CHCHD6: variants seen among roughly 807,000 people sequenced by gnomAD.
CHCHD6 encodes MICOS complex subunit MIC25.
A neutral mutation model predicts 32.3 loss-of-function variants in CHCHD6; 28 were observed. The observed-to-expected ratio is 0.87, with a 90% CI of 0.64 to 1.19. The LOEUF (loss-of-function observed/expected upper bound fraction) is 1.19, where lower values mean the gene tolerates loss of function less well. Among genes scored for constraint, CHCHD6 ranks in the 50% most tolerant of loss-of-function variants. The pLI, the probability that CHCHD6 is intolerant of heterozygous loss-of-function variation, is 0.00. For synonymous variants in CHCHD6, 122 were observed against 117.5 expected (o/e 1.04, Z -0.25); for missense variants, 333 against 307.0 (o/e 1.08, Z -0.63).
chr3:126,954,194 C>T (rs553374613), intron 6 of CHCHD6, among the ~76,000 whole-genome samples: 9 of 152,248 alleles, frequency 5.9e-5, no homozygotes, highest in South Asian at 2.1e-4. Flanking sequence ...GTCCCACGGG[C>T]GATACTGGCA....
intron 4 of CHCHD6, among the ~76,000 whole-genome samples, chr3:126,849,123 A>G (rs1470012022): frequency 6.6e-6 from 1 of 152,180 alleles, no homozygotes; most frequent in Non-Finnish European, 1.5e-5. Context: ...TAAACTGAAA[A>G]CCCTGGCCCT....
At chr3:126,848,437 G>A (rs183331303) in intron 4 of CHCHD6, among the ~76,000 whole-genome samples, 71 of 151,994 alleles carry the variant, frequency 4.7e-4, no homozygotes, top group Non-Finnish European at 9.0e-4. Context: ...AAGTTACTTC[G>A]TTTTACCTTT....
intron 5 of CHCHD6, among the ~76,000 whole-genome samples, chr3:126,876,593 A>C (rs1284392546): frequency 6.6e-6 from 1 of 152,236 alleles, no homozygotes; most frequent in Non-Finnish European, 1.5e-5. Context: ...TGAACATGTG[A>C]TCTTAAAAAT....
In CHCHD6 at chr3:126,741,289, C is replaced by A. The variant is rs1012564202; in HGVS notation, c.411+8067C>A. On this transcript the variant is annotated intron_variant, in intron 4 of 7. Transcript: ENST00000290913. ...TTTACTCTTCCTCCTTCACTTCCAC[C>A]CATGTCTCCATGACAGAATTGATGT... Among the ~76,000 whole-genome samples the A allele has an allele frequency of 3.3e-5, 5 of 152,210 alleles. No homozygotes were observed. In the South Asian group the frequency reaches 1.0e-3, roughly 32 times the overall value.
chr3:126,840,602 G>A (rs1403419985), intron 4 of CHCHD6, among the ~76,000 whole-genome samples: 1 of 152,096 alleles, frequency 6.6e-6, no homozygotes, highest in East Asian at 1.9e-4. Context: ...TTGTCCTTGA[G>A]ATATGCCTTT....
chr3:126,730,454 C>T, intron 2 of CHCHD6, 107 bp from the exon 3 acceptor site: 1 of 882,426 alleles, frequency 1.1e-6, no homozygotes, highest in South Asian at 1.6e-5. Flanking sequence ...ATGCTGCCTT[C>T]CAAGGGGCAC....
intron 4 of CHCHD6, among the ~76,000 whole-genome samples, chr3:126,799,579 C>T (rs866725899): frequency 6.6e-6 from 1 of 152,178 alleles, no homozygotes; most frequent in African/African-American, 2.4e-5. Flanking sequence ...GCCAGCTTGT[C>T]CTGACTCTGG....
intron 6 of CHCHD6, among the ~76,000 whole-genome samples, chr3:126,934,430 C>T (rs989900441): frequency 1.3e-5 from 2 of 151,124 alleles, no homozygotes; most frequent in South Asian, 2.1e-4. Flanking sequence ...TCCTGACAGA[C>T]AGTGCTGCAG....
chr3:126,954,352 A>G (rs2078755529), intron 6 of CHCHD6, among the ~76,000 whole-genome samples: 1 of 152,158 alleles, frequency 6.6e-6, no homozygotes, highest in Admixed American at 6.5e-5. Flanking sequence ...CAGGCTGACC[A>G]TGGGGAGAGG....
At chr3:126,713,584 G>C (rs1187103390) in intron 1 of CHCHD6, among the ~76,000 whole-genome samples, 1 of 152,194 alleles carries the variant, frequency 6.6e-6, no homozygotes, top group South Asian at 2.1e-4. Context: ...GCCTTTGGTG[G>C]TGTCCCCTGC....
chr3:126,949,671 G>C (rs771627292), intron 6 of CHCHD6: 1 of 214,964 alleles, frequency 4.7e-6, no homozygotes, highest in Non-Finnish European at 9.3e-6. Flanking sequence ...GACTGCCGCC[G>C]TGGACGGAAG....
chr3:126,805,475 T>C (rs1029032779), intron 4 of CHCHD6, among the ~76,000 whole-genome samples: 77 of 150,868 alleles, frequency 5.1e-4, no homozygotes, highest in African/African-American at 1.2e-3. Context: ...AATAAAATAC[T>C]TAGGAATCCA....
intron 1 of CHCHD6, among the ~76,000 whole-genome samples, chr3:126,723,655 A>C: frequency 6.6e-6 from 1 of 152,240 alleles, no homozygotes; most frequent in East Asian, 1.9e-4. Flanking sequence ...ATAAAATTCT[A>C]TAGGATGTAT....
chr3:126,726,380 G>C (rs1025979000), intron 1 of CHCHD6, among the ~76,000 whole-genome samples: 1 of 152,096 alleles, frequency 6.6e-6, no homozygotes, highest in Non-Finnish European at 1.5e-5. Context: ...AATTACAAGA[G>C]TAACATGAAA....
intron 4 of CHCHD6, among the ~76,000 whole-genome samples, chr3:126,810,297 A>G (rs1939602484): frequency 6.6e-6 from 1 of 152,214 alleles, no homozygotes; most frequent in Admixed American, 6.5e-5. Flanking sequence ...TTAATACGGG[A>G]TGGGAGACTT....
At chr3:126,754,112 G>GT (rs891681514) in intron 4 of CHCHD6, among the ~76,000 whole-genome samples, 108 of 152,330 alleles carry the variant, frequency 7.1e-4, no homozygotes, top group African/African-American at 1.9e-3. Flanking sequence ...TAGAGCTGCA[G>GT]TTCTTTGGAT....
intron 6 of CHCHD6, among the ~76,000 whole-genome samples, chr3:126,917,463 C>T (rs1559921519): frequency 2.0e-5 from 3 of 152,208 alleles, no homozygotes; most frequent in South Asian, 2.1e-4. Flanking sequence ...GACCAGGCCT[C>T]AGACCTCAGC....
intron 5 of CHCHD6, among the ~76,000 whole-genome samples, chr3:126,864,961 A>ACCATCATCTCCTCCTCCG (rs1942212304): frequency 8.6e-6 from 1 of 115,706 alleles, no homozygotes; most frequent in African/African-American, 5.4e-5. Context: ...CTCCTCCTCC[A>ACCATCATCTCCTCCTCCG]TCACCACCTC....
intron 6 of CHCHD6, among the ~76,000 whole-genome samples, chr3:126,956,388 T>C (rs1020709162): frequency 1.3e-5 from 2 of 152,170 alleles, no homozygotes; most frequent in African/African-American, 4.8e-5. Flanking sequence ...TCCAAAGCCA[T>C]GTAAATAAAT....
Sources: allele counts gnomAD v4.1 joint callset (sites outside exome capture counted in the v4.1 genomes callset), GRCh38; gene constraint gnomAD v4.1.1; transcripts MANE v1.5; gene names NCBI Gene and HGNC (gene_info 2026-07-23, HGNC 2026-07-21).